The following SUCLG2 variants were observed in gnomAD, a reference collection of about 807,000 sequenced individuals.
SUCLG2 encodes the protein succinate--CoA ligase [GDP-forming] subunit beta, mitochondrial.
In SUCLG2, 42 loss-of-function variants were observed where a neutral mutation model predicts 47.9. The ratio of observed to expected loss-of-function variants is 0.88; its 90% confidence interval spans 0.69 to 1.14. The LOEUF is 1.14. Among genes scored for constraint, SUCLG2 ranks in the 50% most tolerant of loss-of-function variants. SUCLG2 has a pLI of 0.00. For missense variants in SUCLG2, 571 were observed against 525.9 expected (o/e 1.09, Z -0.84); for synonymous variants, 195 against 197.3 (o/e 0.99, Z 0.10).
intron 2 of SUCLG2, among the ~76,000 whole-genome samples, chr3:67,538,860 G>C (rs192086566): frequency 8.6e-4 from 130 of 151,978 alleles, no homozygotes; most frequent in Middle Eastern, 6.8e-3. Context: ...CTCTTTGTTT[G>C]TCTATTAATG....
At chr3:67,407,659 G>C (rs1702844290) in intron 9 of SUCLG2, among the ~76,000 whole-genome samples, 1 of 152,152 alleles carries the variant, frequency 6.6e-6, no homozygotes. Flanking sequence ...CAACTATTAG[G>C]TTTTGTCTGT....
intron 2 of SUCLG2, among the ~76,000 whole-genome samples, chr3:67,557,381 A>T (rs1034381980): frequency 1.3e-5 from 2 of 152,160 alleles, no homozygotes; most frequent in African/African-American, 2.4e-5. Context: ...TTCCATAAAC[A>T]TTTATTGAAT....
chr3:67,485,946 A>C (rs537355072), intron 9 of SUCLG2, among the ~76,000 whole-genome samples: 2 of 152,218 alleles, frequency 1.3e-5, no homozygotes, highest in African/African-American at 2.4e-5. Context: ...TTTACTTTAC[A>C]TTTAGACTGG....
At chr3:67,508,692 A>T in intron 7 of SUCLG2, 115 bp downstream of exon 7, 1 of 783,802 alleles carries the variant, frequency 1.3e-6, no homozygotes. Context: ...GGCAGAAATT[A>T]AATTACTGAA....
At chr3:67,525,358 T>C (rs1706227883) in intron 4 of SUCLG2, among the ~76,000 whole-genome samples, 3 of 152,314 alleles carry the variant, frequency 2.0e-5, no homozygotes, top group African/African-American at 7.2e-5. Context: ...CAAGAGTTAT[T>C]CTACTCAATT....
intron 1 of SUCLG2, among the ~76,000 whole-genome samples, chr3:67,623,978 T>C (rs1700779909): frequency 6.6e-6 from 1 of 152,222 alleles, no homozygotes; most frequent in Admixed American, 6.5e-5. Flanking sequence ...CTCCACACCC[T>C]GCAGTTAGCA....
intron 7 of SUCLG2, among the ~76,000 whole-genome samples, chr3:67,499,778 C>T (rs1306202073): frequency 2.6e-5 from 4 of 152,040 alleles, no homozygotes; most frequent in Non-Finnish European, 5.9e-5. Flanking sequence ...GCTGCCCAGG[C>T]TGGAGTGCAG....
chr3:67,480,231 AC>A (rs1239862001), intron 9 of SUCLG2, among the ~76,000 whole-genome samples: 1 of 152,006 alleles, frequency 6.6e-6, no homozygotes, highest in African/African-American at 2.4e-5. Flanking sequence ...GTTAAAGGGA[AC>A]CAGTTGGCTT....
intron 2 of SUCLG2, among the ~76,000 whole-genome samples, chr3:67,567,739 A>C (rs954014845): frequency 6.6e-6 from 1 of 152,150 alleles, no homozygotes; most frequent in Non-Finnish European, 1.5e-5. Context: ...ATTTTTCCCC[A>C]GTTGAGCCAA....
At chr3:67,465,307 C>T (rs1234759806) in intron 9 of SUCLG2, among the ~76,000 whole-genome samples, 3 of 152,196 alleles carry the variant, frequency 2.0e-5, no homozygotes, top group African/African-American at 4.8e-5. Flanking sequence ...GAGCTGGGCC[C>T]AGCTTCACTC....
chr3:67,403,566 C>T (rs1702737397), intron 9 of SUCLG2, among the ~76,000 whole-genome samples: 2 of 152,196 alleles, frequency 1.3e-5, no homozygotes, highest in South Asian at 4.1e-4. Flanking sequence ...AGAGCCAGAC[C>T]AATAAACTGA....
chr3:67,519,338 A>G (rs1050121507), intron 5 of SUCLG2, among the ~76,000 whole-genome samples: 2 of 152,202 alleles, frequency 1.3e-5, no homozygotes, highest in Non-Finnish European at 2.9e-5. Context: ...AAACTGGATA[A>G]ACAATTATCT....
rs576657354 is a variant in SUCLG2, at chr3:67,411,572, A to G, written c.1063-10721T>C. ...AGCTATTTCTTATAGACTAAAATTT[A>G]TATTAAAATTATTTTAAGTAAAAGC... On this transcript the variant is annotated intron_variant, in intron 9 of 10. Coordinates refer to ENST00000307227, the MANE Select transcript of SUCLG2 (RefSeq NM_003848.4). 3.4e-4 allele frequency among the ~76,000 whole-genome samples: 52 copies of G among 152,308 alleles called. 2 individuals are homozygous for G. The highest frequency in any genetic ancestry group is 1.2e-3 in the African/African-American group (48 of 41,578).
At chr3:67,583,746 G>C (rs917392147) in intron 2 of SUCLG2, among the ~76,000 whole-genome samples, 1 of 152,180 alleles carries the variant, frequency 6.6e-6, no homozygotes, top group African/African-American at 2.4e-5. Context: ...CCAGTTCCTT[G>C]ACACAAGGCC....
chr3:67,570,815 T>C (rs1231774819), intron 2 of SUCLG2, among the ~76,000 whole-genome samples: 1 of 152,206 alleles, frequency 6.6e-6, no homozygotes, highest in East Asian at 1.9e-4. Context: ...TTGTCTCCTC[T>C]TTCTTTGACT....
At chr3:67,527,051 T>C (rs1706274076) in intron 4 of SUCLG2, among the ~76,000 whole-genome samples, 1 of 152,180 alleles carries the variant, frequency 6.6e-6, no homozygotes, top group Admixed American at 6.5e-5. Flanking sequence ...TATCAAAACA[T>C]CTCATGTACC....
chr3:67,597,990 T>C (rs1345672032), intron 2 of SUCLG2, among the ~76,000 whole-genome samples: 3 of 151,502 alleles, frequency 2.0e-5, no homozygotes, highest in African/African-American at 4.8e-5. Flanking sequence ...TCCTTTTCCT[T>C]TTTTTTTGGA....
At chr3:67,499,027 T>C (rs565147203) in intron 7 of SUCLG2, among the ~76,000 whole-genome samples, 1 of 152,284 alleles carries the variant, frequency 6.6e-6, no homozygotes, top group South Asian at 2.1e-4. Context: ...TGAACGAAGT[T>C]TGGTATATCT....
chr3:67,593,603 T>C (rs1487542276), intron 2 of SUCLG2, among the ~76,000 whole-genome samples: 2 of 152,214 alleles, frequency 1.3e-5, no homozygotes, highest in Non-Finnish European at 2.9e-5. Context: ...AAGACCATAA[T>C]GACAGCTGAT....
Sources: gnomAD v4.1 joint callset for allele counts (sites outside exome capture counted in the v4.1 genomes callset) on GRCh38, gnomAD v4.1.1 for gene constraint, MANE v1.5 for transcripts, NCBI Gene and HGNC (gene_info 2026-07-23, HGNC 2026-07-21) for gene names.